PTER: variants seen among roughly 807,000 people sequenced by gnomAD.
The protein encoded by PTER is N-acetyltaurine hydrolase.
PTER carries 38 observed loss-of-function variants against 29.6 expected under a neutral mutation model. That is an observed-to-expected ratio of 1.28 (90% confidence interval 0.99 to 1.68). The LOEUF (loss-of-function observed/expected upper bound fraction) is 1.68. PTER is among the 40% of genes most tolerant of loss of function. The pLI is 0.00. For synonymous variants in PTER, 172 were observed against 154.5 expected (o/e 1.11, Z -0.84); for missense variants, 482 against 427.8 (o/e 1.13, Z -1.12).
chr10:16,450,611 T>G (rs1834170680), intron 1 of PTER, among the ~76,000 whole-genome samples: 1 of 152,174 alleles, frequency 6.6e-6, no homozygotes, highest in Non-Finnish European at 1.5e-5. Flanking sequence ...ACTCACATGA[T>G]AAAAGCTTGT....
intron 3 of PTER, among the ~76,000 whole-genome samples, chr10:16,497,645 T>C (rs1836163854): frequency 6.6e-6 from 1 of 152,242 alleles, no homozygotes; most frequent in Non-Finnish European, 1.5e-5. Flanking sequence ...ATCTTGATCC[T>C]ACCCACGGAT....
chr10:16,509,473 G>A (rs972423204), intron 4 of PTER, among the ~76,000 whole-genome samples: 2 of 152,170 alleles, frequency 1.3e-5, no homozygotes, highest in Admixed American at 6.5e-5. Flanking sequence ...TTTATAGTGT[G>A]AGAAATTATA....
chr10:16,453,699 G>GA (rs1456911797), intron 1 of PTER, among the ~76,000 whole-genome samples: 1 of 152,156 alleles, frequency 6.6e-6, no homozygotes, highest in Non-Finnish European at 1.5e-5. Flanking sequence ...TGGGACATCA[G>GA]AAAAAATTCA....
intron 1 of PTER, among the ~76,000 whole-genome samples, chr10:16,476,315 C>T (rs190548199): frequency 0.012 from 1,902 of 152,218 alleles, 49 homozygotes; most frequent in African/African-American, 0.043. Context: ...CTCCTGACCT[C>T]GTGATCTGCC....
chr10:16,450,433 T>A (rs1234829122), intron 1 of PTER, among the ~76,000 whole-genome samples: 1 of 152,144 alleles, frequency 6.6e-6, no homozygotes, highest in African/African-American at 2.4e-5. Context: ...TTAAAGAAAA[T>A]AAAAAGGCTC....
chr10:16,505,767 A>T (rs144431239), intron 4 of PTER, among the ~76,000 whole-genome samples: 1 of 152,208 alleles, frequency 6.6e-6, no homozygotes, highest in Non-Finnish European at 1.5e-5. Flanking sequence ...TCACATGGTG[A>T]TAAGAAGATT....
chr10:16,458,420 G>T (rs903681382), intron 1 of PTER, among the ~76,000 whole-genome samples: 6 of 152,158 alleles, frequency 3.9e-5, no homozygotes, highest in African/African-American at 1.4e-4. Flanking sequence ...AGTGATGGGC[G>T]ATTACCATAG....
intron 1 of PTER, among the ~76,000 whole-genome samples, chr10:16,441,942 G>C (rs1833865211): frequency 6.6e-6 from 1 of 151,486 alleles, no homozygotes; most frequent in Admixed American, 6.6e-5. Flanking sequence ...GCTCACTTGT[G>C]TATGGTAAAC....
At chr10:16,445,837 C>G (rs557403145) in intron 1 of PTER, among the ~76,000 whole-genome samples, 45 of 152,164 alleles carry the variant, frequency 3.0e-4, no homozygotes, top group Admixed American at 1.5e-3. Context: ...AGGACACTGC[C>G]TCCTGAGGGG....
rs557584357 is a variant in PTER, at chr10:16,508,360, G to A, written c.840-2686G>A. The stretch of plus-strand genomic sequence containing the variant: ...TGGGATTACATGTGTGAGCCACCGC[G>A]CCCGGCCTCAACACATGTTTTCTAA... On this transcript the variant is annotated intron_variant, in intron 4 of 4. Coordinates refer to ENST00000535784, the MANE Select transcript of PTER (RefSeq NM_001261836.2). Among the ~76,000 whole-genome samples the A allele has an allele frequency of 1.8e-4, 27 of 152,010 alleles. No individual in the cohort carries two copies. The Middle Eastern group carries it at 0.014, about 77-fold the overall frequency.
At chr10:16,466,408 T>A (rs1376084006) in intron 1 of PTER, among the ~76,000 whole-genome samples, 1 of 152,144 alleles carries the variant, frequency 6.6e-6, no homozygotes, top group African/African-American at 2.4e-5. Context: ...CAGGTTGCAG[T>A]GCAGTGGCAC....
At chr10:16,457,027 C>CT (rs1441281139) in intron 1 of PTER, among the ~76,000 whole-genome samples, 1 of 152,010 alleles carries the variant, frequency 6.6e-6, no homozygotes, top group East Asian at 1.9e-4. Context: ...TCCATTAAAC[C>CT]TTTTTTTAAA....
chr10:16,488,523 CTA>C (rs1324991089), intron 3 of PTER, among the ~76,000 whole-genome samples: 3 of 151,528 alleles, frequency 2.0e-5, no homozygotes, highest in African/African-American at 7.3e-5. Context: ...TGTAATTGTT[CTA>C]TATGTCTATT....
chr10:16,479,485 T>TA (rs949833883), intron 1 of PTER, among the ~76,000 whole-genome samples: 1,833 of 145,302 alleles, frequency 0.013, 32 homozygotes, highest in African/African-American at 0.041. Flanking sequence ...AAACAAGCTT[T>TA]AAAAAAAAAA....
intron 3 of PTER, among the ~76,000 whole-genome samples, chr10:16,490,523 G>A (rs77802124): frequency 0.015 from 2,344 of 151,986 alleles, 56 homozygotes; most frequent in African/African-American, 0.043. Flanking sequence ...CTAGCTCTAG[G>A]TCTCAACTTA....
intron 3 of PTER, among the ~76,000 whole-genome samples, chr10:16,490,523 G>GT (rs909792541): frequency 7.2e-5 from 11 of 151,878 alleles, no homozygotes; most frequent in Non-Finnish European, 1.6e-4. Flanking sequence ...CTAGCTCTAG[G>GT]TCTCAACTTA....
intron 1 of PTER, among the ~76,000 whole-genome samples, chr10:16,455,945 A>AC (rs759774850): frequency 4.6e-5 from 7 of 152,176 alleles, no homozygotes; most frequent in Non-Finnish European, 8.8e-5. Context: ...AAGTGTTATT[A>AC]CTTTTTTTTT....
chr10:16,504,649 C>T (rs1360134113), intron 3 of PTER, among the ~76,000 whole-genome samples: 1 of 152,144 alleles, frequency 6.6e-6, no homozygotes, highest in East Asian at 1.9e-4. Context: ...CAGTTCATAG[C>T]AGTCTTTAGA....
At chr10:16,514,373 G>C, downstream of PTER, 1 of 622,226 alleles carries the variant, frequency 1.6e-6, no homozygotes, top group South Asian at 2.0e-5. Context: ...ATGTTTCTGA[G>C]TGATACAGAT....
Sources: gnomAD v4.1 joint callset for allele counts (sites outside exome capture counted in the v4.1 genomes callset) on GRCh38, gnomAD v4.1.1 for gene constraint, MANE v1.5 for transcripts, NCBI Gene and HGNC (gene_info 2026-07-23, HGNC 2026-07-21) for gene names.